Variants in ZNF722 observed in about 807,000 individuals in gnomAD.
ZNF722 encodes the protein zinc finger protein 722, also known as zinc finger protein 479 pseudogene.
chr7:64,014,975 A>G, the ZNF722 span: 2 of 1,181,246 alleles, frequency 1.7e-6, no homozygotes, highest in Non-Finnish European at 2.4e-6. Flanking sequence ...TTTGTAAAGT[A>G]TATTCATCTG....
At chr7:64,007,222 T>TGTGTGTGTG in the ZNF722 span, among the ~76,000 whole-genome samples, 637 of 131,802 alleles carry the variant, frequency 4.8e-3, 7 homozygotes, top group African/African-American at 0.016. Context: ...ATTTGTGTGT[T>TGTGTGTGTG]TGTGTGTGTA....
the ZNF722 span, among the ~76,000 whole-genome samples, chr7:64,017,868 TA>T: frequency 6.6e-6 from 1 of 152,190 alleles, no homozygotes; most frequent in African/African-American, 2.4e-5. Context: ...TCATTTTCTG[TA>T]AAAAAAATTT....
the ZNF722 span, among the ~76,000 whole-genome samples, chr7:64,013,793 T>C: frequency 6.6e-6 from 1 of 152,176 alleles, no homozygotes; most frequent in Admixed American, 6.6e-5. Context: ...GAAAGACCTC[T>C]TTTCAGCATT....
chr7:64,010,737 A>T, the ZNF722 span, among the ~76,000 whole-genome samples: 1 of 152,058 alleles, frequency 6.6e-6, no homozygotes, highest in Non-Finnish European at 1.5e-5. Context: ...TTGTGTGGAG[A>T]GTTCTGTAGA....
the ZNF722 span, chr7:64,014,945 G>A: frequency 9.5e-7 from 1 of 1,052,620 alleles, no homozygotes; most frequent in African/African-American, 1.6e-5. Context: ...AGTGTGCCTT[G>A]TATAATTTTA....
chr7:64,009,717 T>G, the ZNF722 span, among the ~76,000 whole-genome samples: 1 of 152,188 alleles, frequency 6.6e-6, no homozygotes, highest in Non-Finnish European at 1.5e-5. Context: ...TTTTGTTGTG[T>G]CTCTGCCAGG....
chr7:64,016,993 A>G, the ZNF722 span, among the ~76,000 whole-genome samples: 3 of 152,350 alleles, frequency 2.0e-5, no homozygotes, highest in Admixed American at 1.3e-4. Context: ...GCCACAGGAA[A>G]GCATTTATAC....
At chr7:64,003,316 A>G in the ZNF722 span, among the ~76,000 whole-genome samples, 2 of 152,186 alleles carry the variant, frequency 1.3e-5, no homozygotes, top group Non-Finnish European at 2.9e-5. Context: ...TTTCAGTTAT[A>G]AACAACAAAA....
the ZNF722 span, among the ~76,000 whole-genome samples, chr7:64,009,127 G>A: frequency 1.3e-5 from 2 of 152,208 alleles, no homozygotes; most frequent in Admixed American, 1.3e-4. Context: ...TTGCTTATCA[G>A]CTTAAGGAGA....
At chr7:64,005,605 T>G in the ZNF722 span, 1 of 1,113,130 alleles carries the variant, frequency 9.0e-7, no homozygotes, top group East Asian at 2.4e-5. Flanking sequence ...GTTTTTGTTT[T>G]TTTCAGAGAC....
chr7:64,010,216 G>T, the ZNF722 span, among the ~76,000 whole-genome samples: 1 of 152,024 alleles, frequency 6.6e-6, no homozygotes, highest in Admixed American at 6.6e-5. Flanking sequence ...TTGATTTTTT[G>T]AAGGGTTTTT....
At chr7:64,011,689 C>T in the ZNF722 span, among the ~76,000 whole-genome samples, 3 of 151,936 alleles carry the variant, frequency 2.0e-5, no homozygotes, top group African/African-American at 7.3e-5. Flanking sequence ...ACATTTTTTC[C>T]TTCATTTCAA....
the ZNF722 span, among the ~76,000 whole-genome samples, chr7:64,017,590 A>G: frequency 6.6e-6 from 1 of 152,246 alleles, no homozygotes. Flanking sequence ...TTTGTGGAAC[A>G]TCAGAGAATT....
chr7:64,010,858 G>A, the ZNF722 span, among the ~76,000 whole-genome samples: 107,713 of 151,852 alleles, frequency 0.71, 38,775 homozygotes, highest in Non-Finnish European at 0.77. Context: ...AAAGTCTCCC[G>A]ATATTATTGT....
the ZNF722 span, among the ~76,000 whole-genome samples, chr7:64,004,425 A>AAAAAAAAAAAAAAATATATATATAT: frequency 4.9e-5 from 3 of 61,106 alleles, no homozygotes; most frequent in African/African-American, 2.4e-4. Context: ...AAAAAAAAAA[A>AAAAAAAAAAAAAAATATATATATAT]ATATATATAT....
chr7:64,004,686 CCAT>C, the ZNF722 span, among the ~76,000 whole-genome samples: 1 of 151,818 alleles, frequency 6.6e-6, no homozygotes, highest in African/African-American at 2.4e-5. Flanking sequence ...AGTGCATAAA[CCAT>C]CACATTTAAT....
chr7:64,008,463 G>A, the ZNF722 span, among the ~76,000 whole-genome samples: 2 of 152,096 alleles, frequency 1.3e-5, no homozygotes, highest in African/African-American at 4.8e-5. Flanking sequence ...TCTACATATG[G>A]CTAGCCAGTT....
chr7:64,004,421 A>T, the ZNF722 span, among the ~76,000 whole-genome samples: 729 of 69,258 alleles, frequency 0.011, 6 homozygotes, highest in East Asian at 0.039. Flanking sequence ...AAAAAAAAAA[A>T]AAAAATATAT....
the ZNF722 span, among the ~76,000 whole-genome samples, chr7:64,006,870 T>C: frequency 1.3e-5 from 2 of 151,946 alleles, no homozygotes; most frequent in Admixed American, 1.3e-4. Flanking sequence ...GTTATGATAC[T>C]TGCTGTGGGG....
Sources: allele counts gnomAD v4.1 joint callset (sites outside exome capture counted in the v4.1 genomes callset), GRCh38; gene constraint gnomAD v4.1.1; transcripts MANE v1.5; gene names NCBI Gene and HGNC (gene_info 2026-07-23, HGNC 2026-07-21).